The following RIMS2 variants were observed in gnomAD, a reference collection of about 807,000 sequenced individuals.
RIMS2 encodes the protein regulating synaptic membrane exocytosis protein 2.
In RIMS2, 59 loss-of-function variants were observed where a neutral mutation model predicts 174.4. That is an observed-to-expected ratio of 0.34 (90% CI 0.27 to 0.42). The LOEUF (loss-of-function observed/expected upper bound fraction) is 0.42. Among genes scored for constraint, RIMS2 ranks in the 10% least tolerant of loss-of-function variants. RIMS2 has a pLI of 1.00. For missense variants in RIMS2, 1,620 were observed against 1,666.3 expected, an observed-to-expected ratio of 0.97 and a Z score of 0.48; for synonymous variants, 606 against 572.5, an observed-to-expected ratio of 1.06 and a Z score of -0.84.
chr8:103,843,466 A>G (rs917635905), intron 3 of RIMS2, among the ~76,000 whole-genome samples: 18 of 152,244 alleles, frequency 1.2e-4, no homozygotes, highest in Non-Finnish European at 2.5e-4. Context: ...TTCAGCAGAC[A>G]GTGAATGCTT....
chr8:103,704,875 G>A (rs546929361), intron 2 of RIMS2, among the ~76,000 whole-genome samples: 1 of 151,698 alleles, frequency 6.6e-6, no homozygotes, highest in South Asian at 2.1e-4. Flanking sequence ...CTAGTGAGAG[G>A]TTTGTTAATT....
Position 103,565,494 on chromosome 8 carries a change from G to A in RIMS2, c.176+64432G>A, listed in dbSNP as rs117539206. Among the ~76,000 whole-genome samples the A allele has an allele frequency of 3.9e-5, 6 of 152,096 alleles. No individual in the cohort carries two copies. In the East Asian group the frequency reaches 1.2e-3, roughly 29 times the overall value. On this transcript the variant is annotated intron_variant, in intron 1 of 23. Coordinates refer to ENST00000504942, the Ensembl canonical transcript of RIMS2. ...AATTTTTGTATTTTTTTGTAGACAC[G>A]TCGTTTTTGCCATTTTGCCCAGGCT...
intron 10 of RIMS2, chr8:103,922,842 A>G (rs1361426347): frequency 5.2e-6 from 1 of 191,748 alleles, no homozygotes; most frequent in Non-Finnish European, 1.1e-5. Context: ...AAAAAAGTTC[A>G]TTTGAAGTTA....
intron 19 of RIMS2, among the ~76,000 whole-genome samples, chr8:104,028,185 G>A (rs1216772394): frequency 6.6e-6 from 1 of 150,664 alleles, no homozygotes; most frequent in Non-Finnish European, 1.5e-5. Context: ...GTCTCAAACT[G>A]TATGCTCTTT....
intron 19 of RIMS2, among the ~76,000 whole-genome samples, chr8:104,212,078 A>G (rs938892139): frequency 6.6e-6 from 1 of 152,184 alleles, no homozygotes; most frequent in African/African-American, 2.4e-5. Flanking sequence ...GAAAATAAGA[A>G]AAGAAGTAAA....
intron 8 of RIMS2, among the ~76,000 whole-genome samples, chr8:103,917,782 C>G (rs777000392): frequency 1.3e-5 from 2 of 151,966 alleles, no homozygotes; most frequent in Non-Finnish European, 2.9e-5. Flanking sequence ...GAGGGCGAGG[C>G]GGAAGGATCA....
intron 1 of RIMS2, among the ~76,000 whole-genome samples, chr8:103,653,460 G>T (rs1443481595): frequency 6.6e-6 from 1 of 152,160 alleles, no homozygotes; most frequent in East Asian, 1.9e-4. Context: ...TCTCCTGACA[G>T]TTGTCATAAT....
intron 15 of RIMS2, 88 bp from the exon 18 acceptor site, chr8:103,975,262 C>T (rs1417679124): frequency 2.7e-6 from 2 of 753,766 alleles, no homozygotes; most frequent in Non-Finnish European, 4.2e-6. Flanking sequence ...TTAAATTTCA[C>T]CAACATTTTG....
chr8:103,999,713 T>C (rs1260299462), intron 17 of RIMS2, among the ~76,000 whole-genome samples: 1 of 151,752 alleles, frequency 6.6e-6, no homozygotes, highest in Non-Finnish European at 1.5e-5. Flanking sequence ...TTCAATAGTT[T>C]GTATTTTCTT....
At chr8:103,986,990 T>A (rs1217607832) in intron 16 of RIMS2, among the ~76,000 whole-genome samples, 1 of 152,040 alleles carries the variant, frequency 6.6e-6, no homozygotes. Flanking sequence ...AATTCCAGAC[T>A]AAAAAGTACT....
Position 103,821,012 on chromosome 8 carries a change from C to T in RIMS2, c.698+54475C>T, listed in dbSNP as rs562988483. Among the ~76,000 whole-genome samples, 94 of 150,772 alleles carry T rather than the reference C, an allele frequency of 6.2e-4. 1 individual carries two copies. Among genetic ancestry groups the T allele is most frequent in the African/African-American group, 2.0e-3 (82 of 41,210 alleles). ...AGGATTTGTACTCATCCTTTATAAA[C>T]CTTTTCCTTGTTTTAGTTCCATCTT... is the stretch of plus-strand genomic sequence containing the variant. On this transcript the variant is annotated intron_variant, in intron 3 of 23. Coordinates refer to ENST00000504942, the Ensembl canonical transcript of RIMS2.
At chr8:104,014,738 T>A in intron 19 of RIMS2, 123 bp downstream of exon 21, 1 of 498,958 alleles carries the variant, frequency 2.0e-6, no homozygotes, top group Non-Finnish European at 3.6e-6. Context: ...TGTCTGTATT[T>A]GATAATAGTT....
intron 1 of RIMS2, among the ~76,000 whole-genome samples, chr8:103,634,866 TG>T (rs2096035799): frequency 6.6e-6 from 1 of 152,214 alleles, no homozygotes; most frequent in South Asian, 2.1e-4. Context: ...GTTTTTCATT[TG>T]CTTGGTAGAT....
At chr8:103,552,978 A>G (rs1434564369) in intron 1 of RIMS2, among the ~76,000 whole-genome samples, 1 of 152,196 alleles carries the variant, frequency 6.6e-6, no homozygotes, top group Non-Finnish European at 1.5e-5. Context: ...AGAAATAGGA[A>G]CACTTTTACA....
chr8:103,910,067 A>G (rs1307839551), intron 4 of RIMS2: 6 of 938,212 alleles, frequency 6.4e-6, no homozygotes, highest in Non-Finnish European at 8.5e-6. Context: ...TAAAATGTTT[A>G]TAATGTCTCT....
chr8:103,622,230 G>A (rs1365707887), intron 1 of RIMS2, among the ~76,000 whole-genome samples: 2 of 151,968 alleles, frequency 1.3e-5, no homozygotes, highest in Non-Finnish European at 2.9e-5. Context: ...ACATAGAAGG[G>A]TATCTATGTC....
chr8:103,806,454 A>G (rs1564705123), intron 3 of RIMS2, among the ~76,000 whole-genome samples: 1 of 152,174 alleles, frequency 6.6e-6, no homozygotes, highest in African/African-American at 2.4e-5. Context: ...CACAAGCTCT[A>G]GGTACTAGTT....
At chr8:103,504,371 T>C (rs917833880) in intron 1 of RIMS2, among the ~76,000 whole-genome samples, 3 of 152,170 alleles carry the variant, frequency 2.0e-5, no homozygotes, top group African/African-American at 7.2e-5. Flanking sequence ...ATGAGGTAGC[T>C]TATCAATTTT....
intron 19 of RIMS2, among the ~76,000 whole-genome samples, chr8:104,072,021 G>A (rs1462605563): frequency 6.6e-6 from 1 of 152,148 alleles, no homozygotes; most frequent in African/African-American, 2.4e-5. Context: ...CCAGGATTAT[G>A]CAGGCAGCTT....
Sources: gnomAD v4.1 joint callset for allele counts (sites outside exome capture counted in the v4.1 genomes callset) on GRCh38, gnomAD v4.1.1 for gene constraint, MANE v1.5 for transcripts, NCBI Gene and HGNC (gene_info 2026-07-23, HGNC 2026-07-21) for gene names.